SLC44A4: variants seen among roughly 807,000 people sequenced by gnomAD.
SLC44A4 encodes the protein solute carrier family 44 member 4.
In SLC44A4, 74 loss-of-function variants were observed where a neutral mutation model predicts 97.0. That is an observed-to-expected ratio of 0.76 (90% CI 0.63 to 0.93). The LOEUF (loss-of-function observed/expected upper bound fraction) is 0.93, where lower values mean the gene tolerates loss of function less well. Among genes scored for constraint, SLC44A4 ranks in the 40% least tolerant of loss-of-function variants. SLC44A4 has a pLI of 0.00. For synonymous variants in SLC44A4, 325 were observed against 363.8 expected (o/e 0.89, Z 1.21); for missense variants, 799 against 902.9 (o/e 0.88, Z 1.48).
At chr6:31,870,516 G>T in intron 11 of SLC44A4, 87 bp downstream of exon 11, 1 of 1,069,332 alleles carries the variant, frequency 9.4e-7, no homozygotes, top group Non-Finnish European at 1.4e-6. Context: ...GAGGCTCCCT[G>T]CCACCTCTCT....
rs1763575027 is a variant in SLC44A4, at chr6:31,878,456, G to A, written c.40+485C>T. ...CCCTCACTCCTCAAGGGAGCCGGCA[G>A]ACCACAAGCAGCTTTCGCCCTCAGA... On this transcript the variant is annotated intron_variant, in intron 1 of 20. Coordinates refer to ENST00000229729, the MANE Select transcript of SLC44A4 (RefSeq NM_025257.3). The surrounding 1 kb of genome is among the most constrained non-coding windows in gnomAD (Gnocchi z 4.0). Among the ~76,000 whole-genome samples the A allele has an allele frequency of 6.6e-6, 1 of 151,984 alleles. No homozygotes were observed. The highest frequency in any genetic ancestry group is 2.4e-5 in the African/African-American group (1 of 41,350).
intron 20 of SLC44A4, 146 bp downstream of exon 20, chr6:31,864,499 CCTGGCCT>C: frequency 1.4e-6 from 1 of 699,632 alleles, no homozygotes; most frequent in South Asian, 1.8e-5. Context: ...TCCCTAAACG[CCTGGCCT>C]CAGGATGTCA....
chr6:31,864,395 C>G, intron 20 of SLC44A4: 1 of 577,478 alleles, frequency 1.7e-6, no homozygotes. Flanking sequence ...TAACTTCTAC[C>G]CGAGATTTCT....
intron 4 of SLC44A4, among the ~76,000 whole-genome samples, chr6:31,875,301 G>A: frequency 6.6e-6 from 1 of 152,176 alleles, no homozygotes; most frequent in South Asian, 2.1e-4. Context: ...TCTTGAGCAA[G>A]TCACCTGTTC....
At chr6:31,864,526 C>T in intron 20 of SLC44A4, 126 bp downstream of exon 20, 1 of 866,886 alleles carries the variant, frequency 1.2e-6, no homozygotes, top group Non-Finnish European at 1.9e-6. Flanking sequence ...ACAAGAAGCT[C>T]CCTCTGGTTC....
At chr6:31,875,421 A>C (rs991828719) in intron 4 of SLC44A4, among the ~76,000 whole-genome samples, 7 of 152,214 alleles carry the variant, frequency 4.6e-5, no homozygotes, top group Non-Finnish European at 1.0e-4. Flanking sequence ...AATGCTATAT[A>C]AATATTTGAG....
chr6:31,877,117 C>T lies in SLC44A4; in HGVS notation c.41-35G>A. On this transcript the variant is annotated intron_variant, in intron 1 of 20. Transcript: ENST00000229729. The surrounding 1 kb of genome is among the most constrained non-coding windows in gnomAD (Gnocchi z 6.5). ...ATGAGAAGAGGTGTGGAGGATGAGT[C>T]TCTCTCTGCATATCTTGTCCTGCTG... 6.3e-7 allele frequency: 1 copy of T among 1,597,552 alleles called. No individual in the cohort carries two copies. Among genetic ancestry groups the T allele is most frequent in the Non-Finnish European group, 8.5e-7 (1 of 1,171,352 alleles).
At chr6:31,873,309 A>G (rs1763275043) in intron 7 of SLC44A4, among the ~76,000 whole-genome samples, 1 of 152,104 alleles carries the variant, frequency 6.6e-6, no homozygotes, top group African/African-American at 2.4e-5. Context: ...CAGCCTCCTG[A>G]GTAGCTGGGA....
chr6:31,878,870 C>A lies in SLC44A4; in HGVS notation c.40+71G>T. ...CTTAGTTCCTCTCCCTGGAGCCAGC[C>A]CCAGACACCATTCCCAAAGTACCCG... is the stretch of plus-strand genomic sequence containing the variant. On this transcript the variant is annotated intron_variant, in intron 1 of 20. Transcript: ENST00000229729. This position sits in a 1 kb window ranked among gnomAD's most constrained non-coding sequence, Gnocchi z 4.0. 1 of 1,525,786 alleles carries A rather than the reference C, an allele frequency of 6.6e-7. No individual in the cohort carries two copies. Among genetic ancestry groups the A allele is most frequent in the Non-Finnish European group, 9.1e-7 (1 of 1,099,790 alleles). 94.5% of individuals were successfully genotyped at this position (1,525,786 alleles called of 1,614,324 possible). A position where few individuals can be genotyped will look rare whatever the true frequency, so the allele number is the denominator to read the frequency against.
chr6:31,864,062 T>C (rs1286821785), intron 20 of SLC44A4, among the ~76,000 whole-genome samples: 2 of 150,286 alleles, frequency 1.3e-5, no homozygotes, highest in Non-Finnish European at 3.0e-5. Context: ...CTCTAATGGC[T>C]CTTTTTTTTT....
chr6:31,875,889 T>C lies in SLC44A4; in HGVS notation c.205A>G (p.Asn69Asp). Reference protein sequence around the residue: ...GDPRQVLYPRNSTGAYCGMGE... With the variant: ...GDPRQVLYPRDSTGAYCGMGE... ...ATGCCACAGTAGGCCCCAGTAGAGT[T>C]CCTGGGGTAGAGGACTTGCCGGGGG... The change falls in exon 4 of 21, where the codon AAC (asparagine) becomes GAC (aspartate). Residue 69 changes from asparagine (N) to aspartate (D), a missense_variant. Around this residue, in one of 3 missense-constraint regions of SLC44A4, gnomAD observed 409 missense variants for 434.1 expected, o/e 0.94. Coordinates refer to ENST00000229729, the MANE Select transcript of SLC44A4 (RefSeq NM_025257.3). 6.2e-7 allele frequency: 1 copy of C among 1,613,476 alleles called. No homozygotes were observed. The highest frequency in any genetic ancestry group is 8.5e-7 in the Non-Finnish European group (1 of 1,179,830).
Position 31,874,742 on chromosome 6 carries a change from C to G in SLC44A4, c.447G>C (p.Leu149=), listed in dbSNP as rs570288453. The G allele has an allele frequency of 1.2e-6, 2 of 1,612,646 alleles. No individual in the cohort carries two copies. Among genetic ancestry groups the G allele is most frequent in the East Asian group, 4.5e-5 (2 of 44,894 alleles). ...VFYTKNRNFC[L]PGVPWNMTVI... ...TCACCATATTCCAGGGTACCCCTGGCAGACAAAAGTTCCTGTTTTTTGTAT... is the reference window on the plus strand; with the variant it reads ...TCACCATATTCCAGGGTACCCCTGGGAGACAAAAGTTCCTGTTTTTTGTAT... The change falls in exon 6 of 21, where the codon CTG becomes CTC. Residue 149 remains leucine (L), a synonymous_variant. Transcript: ENST00000229729. The surrounding 1 kb of genome is among the most constrained non-coding windows in gnomAD (Gnocchi z 4.8).
chr6:31,869,157 T>A lies in SLC44A4; in HGVS notation c.1231A>T (p.Thr411Ser). 1 of 1,603,852 alleles carries A rather than the reference T, an allele frequency of 6.2e-7. No individual in the cohort carries two copies. Among genetic ancestry groups the A allele is most frequent in the Non-Finnish European group, 8.5e-7 (1 of 1,175,284 alleles). The change falls in exon 13 of 21, where the codon ACG becomes TCG. Residue 411 changes from threonine (T) to serine (S), a missense_variant and splice_region_variant. Coordinates refer to ENST00000229729, the MANE Select transcript of SLC44A4 (RefSeq NM_025257.3). ...CCATGTCCCCTGCTTCCTCTTACCG[T>A]GGGGTTGCATGATGTATTTATTGGC... is the stretch of plus-strand genomic sequence containing the variant. ...KVPINTSCNP[T>S]AHLVNSSCPG...
At position 31,878,946 on chromosome 6, in the gene SLC44A4, G is replaced by GCCTCGTCAT; in HGVS notation, c.26_34dup (p.Asp9_Glu11dup). ...GGGCCTCGCCCCAGTCTCACCGTAGGCCTCGTCATCCTCGTCCCGCTGCTT... is the reference window on the plus strand; with the variant it reads ...GGGCCTCGCCCCAGTCTCACCGTAGGCCTCGTCATCCTCGTCATCCTCGTCCCGCTGCTT... On this transcript the variant is annotated inframe_insertion, in exon 1 of 21. Transcript: ENST00000229729. This position sits in a 1 kb window ranked among gnomAD's most constrained non-coding sequence, Gnocchi z 4.0. 1 of 1,613,846 alleles carries GCCTCGTCAT rather than the reference G, an allele frequency of 6.2e-7. No homozygotes were observed. The highest frequency in any genetic ancestry group is 8.5e-7 in the Non-Finnish European group (1 of 1,179,914).
intron 7 of SLC44A4, among the ~76,000 whole-genome samples, chr6:31,871,979 G>C (rs3130481): frequency 0.59 from 89,506 of 151,844 alleles, 27,005 homozygotes; most frequent in Middle Eastern, 0.74. Flanking sequence ...GCTCTCCTGT[G>C]CAAATCCAGC....
intron 13 of SLC44A4, among the ~76,000 whole-genome samples, chr6:31,867,275 T>C (rs1163119715): frequency 2.7e-5 from 4 of 150,882 alleles, no homozygotes; most frequent in African/African-American, 9.8e-5. Flanking sequence ...TTTTTTGAGA[T>C]GGAGTCTCAC....
At chr6:31,870,205 C>T (rs1205989740) in intron 11 of SLC44A4, among the ~76,000 whole-genome samples, 1 of 152,154 alleles carries the variant, frequency 6.6e-6, no homozygotes, top group East Asian at 1.9e-4. Context: ...GAGAAGCCAC[C>T]TGGGGCAGCT....
rs748729539 is a variant in SLC44A4 at position 31,864,709 on chromosome 6, C to T, written c.1954G>A (p.Ala652Thr). Residue 652 changes from alanine (A) to threonine (T), a missense_variant, in exon 20 of 21, where the codon GCC (alanine) becomes ACC (threonine). Coordinates refer to ENST00000229729, the MANE Select transcript of SLC44A4 (RefSeq NM_025257.3). ...CCGAAAACGCTGAAGAAGCCGCTGG[C>T]GATGACATAGGCCCCCAGGATGGAG... ...MTSILGAYVI[A>T]SGFFSVFGMC... The T allele has an allele frequency of 5.0e-6, 8 of 1,613,750 alleles. No homozygotes were observed. The highest frequency in any genetic ancestry group is 2.7e-5 in the African/African-American group (2 of 74,760).
intron 7 of SLC44A4, among the ~76,000 whole-genome samples, chr6:31,873,163 C>T (rs1038805870): frequency 6.6e-6 from 1 of 152,160 alleles, no homozygotes; most frequent in African/African-American, 2.4e-5. Flanking sequence ...GTGTGAGCCA[C>T]TGCTCCCGGC....
Sources: allele counts gnomAD v4.1 joint callset (sites outside exome capture counted in the v4.1 genomes callset), GRCh38; gene constraint gnomAD v4.1.1; regional missense constraint gnomAD v4.1.1; non-coding constraint Gnocchi (gnomAD v3.1); transcripts MANE v1.5; gene names NCBI Gene and HGNC (gene_info 2026-07-23, HGNC 2026-07-21).